Variants in SIPA1L2 observed in about 807,000 individuals in gnomAD.
SIPA1L2 encodes signal induced proliferation associated 1 like 2.
SIPA1L2 carries 56 observed loss-of-function variants against 163.9 expected under a neutral mutation model. The observed-to-expected ratio is 0.34, with a 90% CI of 0.28 to 0.43. SIPA1L2 has a LOEUF of 0.43. SIPA1L2 is among the 20% of genes least tolerant of loss of function. The pLI is 1.00. For synonymous variants in SIPA1L2, 877 were observed against 865.7 expected (o/e 1.01, Z -0.23); for missense variants, 1,974 against 2,193.5 (o/e 0.90, Z 2.00).
At chr1:232,592,570 T>C (rs1028799890) in intron 1 of SIPA1L2, among the ~76,000 whole-genome samples, 2 of 152,208 alleles carry the variant, frequency 1.3e-5, no homozygotes, top group African/African-American at 4.8e-5. Context: ...TATACACTCC[T>C]GGCCCTCAGG....
chr1:232,483,692 G>T (rs1305333747), intron 6 of SIPA1L2, 100 bp downstream of exon 6: 5 of 1,328,540 alleles, frequency 3.8e-6, no homozygotes, highest in African/African-American at 1.5e-5. Flanking sequence ...CTGCTTCTGG[G>T]GCCGGGAACA....
At chr1:232,622,474 T>C (rs1030662967) in intron 1 of SIPA1L2, among the ~76,000 whole-genome samples, 2 of 152,228 alleles carry the variant, frequency 1.3e-5, no homozygotes, top group African/African-American at 4.8e-5. Flanking sequence ...TCCTTTCTGT[T>C]CAGTAAGCTT....
chr1:232,462,288 G>A (rs1450585861), intron 9 of SIPA1L2: 5 of 1,550,054 alleles, frequency 3.2e-6, no homozygotes, highest in East Asian at 2.4e-5. Context: ...TTCAAGTTGG[G>A]AGGTATCATA....
chr1:232,599,921 G>T (rs989654755), intron 1 of SIPA1L2, among the ~76,000 whole-genome samples: 1 of 152,242 alleles, frequency 6.6e-6, no homozygotes, highest in Non-Finnish European at 1.5e-5. Flanking sequence ...CTTCCTGAAA[G>T]TATGTTACCC....
intron 2 of SIPA1L2, among the ~76,000 whole-genome samples, chr1:232,550,165 T>C (rs1316500914): frequency 2.6e-5 from 4 of 152,222 alleles, no homozygotes; most frequent in Non-Finnish European, 5.9e-5. Context: ...GTTTACCAAA[T>C]GGCATCTTGC....
intron 9 of SIPA1L2, 104 bp downstream of exon 9, chr1:232,464,736 T>C (rs1002531363): frequency 4.2e-5 from 39 of 923,190 alleles, no homozygotes; most frequent in Non-Finnish European, 6.1e-5. Context: ...TAGTAATGCA[T>C]TCCCTAATTG....
At chr1:232,418,227 C>G (rs1271808370) in intron 18 of SIPA1L2, among the ~76,000 whole-genome samples, 1 of 152,136 alleles carries the variant, frequency 6.6e-6, no homozygotes, top group Non-Finnish European at 1.5e-5. Context: ...AAAAATAACA[C>G]AGTAGACAAG....
intron 17 of SIPA1L2, 90 bp downstream of exon 17, chr1:232,428,321 T>G: frequency 8.6e-7 from 1 of 1,167,398 alleles, no homozygotes; most frequent in South Asian, 2.2e-5. Context: ...CATGTGGGAG[T>G]ACTCTGGAAA....
At chr1:232,629,552 G>A (rs1321513287) in intron 1 of SIPA1L2, among the ~76,000 whole-genome samples, 1 of 152,222 alleles carries the variant, frequency 6.6e-6, no homozygotes, top group African/African-American at 2.4e-5. Context: ...GAAGTTCTGG[G>A]CACCTGGAGA....
chr1:232,404,007 T>C, intron 20 of SIPA1L2, 118 bp downstream of exon 20: 1 of 1,113,394 alleles, frequency 9.0e-7, no homozygotes. Context: ...AGGACACATG[T>C]CCCGCTGTGC....
At chr1:232,578,574 T>C (rs1052296540) in intron 1 of SIPA1L2, among the ~76,000 whole-genome samples, 3 of 152,194 alleles carry the variant, frequency 2.0e-5, no homozygotes, top group Non-Finnish European at 4.4e-5. Flanking sequence ...AGTCCTCAAC[T>C]TGAGTTTACA....
Position 232,587,754 on chromosome 1 carries a change from T to C in SIPA1L2, c.-318-13532A>G, listed in dbSNP as rs541898460. ...TCATCTCGAACTGTAGCTCCCATAA[T>C]TCCCTCGTGTTGTGGGAGGGACCCA... On this transcript the variant is annotated intron_variant, in intron 1 of 22. Transcript: ENST00000674635. 2.0e-4 allele frequency among the ~76,000 whole-genome samples: 30 copies of C among 152,274 alleles called. No homozygotes were observed. The South Asian group carries it at 6.0e-3, about 30-fold the overall frequency.
chr1:232,425,359 A>C (rs1030344891), intron 18 of SIPA1L2, among the ~76,000 whole-genome samples: 1 of 152,226 alleles, frequency 6.6e-6, no homozygotes, highest in African/African-American at 2.4e-5. Flanking sequence ...AGAAATATCT[A>C]ACATGAGTTT....
Position 232,426,040 on chromosome 1 carries a change from A to G in SIPA1L2, c.4411-232T>C, listed in dbSNP as rs141841430. Among the ~76,000 whole-genome samples the G allele has an allele frequency of 4.2e-3, 643 of 152,324 alleles. 5 individuals are homozygous for G. The highest frequency in any genetic ancestry group is 0.015 in the African/African-American group (618 of 41,558). On this transcript the variant is annotated intron_variant, in intron 17 of 22. Coordinates refer to ENST00000674635, the MANE Select transcript of SIPA1L2 (RefSeq NM_020808.5). ...CTCCTTTGACATTCTATGAAATATT[A>G]TCATGAATTAGACATGCACAGCTTT...
intron 10 of SIPA1L2, among the ~76,000 whole-genome samples, chr1:232,448,209 C>T (rs564340136): frequency 3.3e-5 from 5 of 152,292 alleles, no homozygotes; most frequent in Admixed American, 2.6e-4. Flanking sequence ...CAGTGCAAGG[C>T]GTACTCTTAA....
chr1:232,612,858 T>G (rs1662317536), intron 1 of SIPA1L2, among the ~76,000 whole-genome samples: 1 of 151,290 alleles, frequency 6.6e-6, no homozygotes, highest in Admixed American at 6.6e-5. Context: ...AGGCCAGAGG[T>G]GCAATGATAT....
At chr1:232,494,726 A>G (rs1010552095) in intron 3 of SIPA1L2, among the ~76,000 whole-genome samples, 4 of 152,226 alleles carry the variant, frequency 2.6e-5, no homozygotes, top group Admixed American at 6.5e-5. Context: ...TACACAAAAT[A>G]GTGGGAACAA....
In SIPA1L2 at chr1:232,515,142, A is replaced by G; in HGVS notation, c.198T>C (p.Asn66=). 6.2e-7 allele frequency: 1 copy of G among 1,614,044 alleles called. No individual in the cohort carries two copies. Among genetic ancestry groups the G allele is most frequent in the South Asian group, 1.1e-5 (1 of 91,070 alleles). ...SNETGGGGPA[N]GTPAVPKMGV... ...CCATCTTGGGCACAGCTGGGGTACCATTAGCCGGACCACCACCGCCAGTCT... is the reference window on the plus strand; with the variant it reads ...CCATCTTGGGCACAGCTGGGGTACCGTTAGCCGGACCACCACCGCCAGTCT... The change falls in exon 3 of 23, where the codon AAT becomes AAC. Residue 66 remains asparagine (N), a synonymous_variant. Transcript: ENST00000674635.
intron 2 of SIPA1L2, among the ~76,000 whole-genome samples, chr1:232,527,326 C>T (rs186388031): frequency 6.6e-6 from 1 of 152,300 alleles, no homozygotes; most frequent in African/African-American, 2.4e-5. Flanking sequence ...ACAAAGTTTC[C>T]TGGAAACTCA....
Sources: gnomAD v4.1 joint callset for allele counts (sites outside exome capture counted in the v4.1 genomes callset) on GRCh38, gnomAD v4.1.1 for gene constraint, MANE v1.5 for transcripts, NCBI Gene and HGNC (gene_info 2026-07-23, HGNC 2026-07-21) for gene names.